The following GLI3 variants were observed in gnomAD, a reference collection of about 807,000 sequenced individuals.
GLI3 encodes transcription activator GLI3.
Under a neutral mutation model 100.8 loss-of-function variants are expected in GLI3, and 20 were observed. That is an observed-to-expected ratio of 0.20 (90% CI 0.14 to 0.29). The LOEUF (loss-of-function observed/expected upper bound fraction) is 0.29, where lower values mean the gene tolerates loss of function less well. GLI3 is among the 10% of genes least tolerant of loss of function. The pLI is 1.00. For synonymous variants in GLI3, 938 were observed against 860.5 expected (o/e 1.09, Z -1.58); for missense variants, 2,040 against 2,128.5 (o/e 0.96, Z 0.82).
rs537297688 is a variant in GLI3, at chr7:42,231,770, T to C, written c.-43+5201A>G. Among the ~76,000 whole-genome samples the C allele has an allele frequency of 2.4e-4, 37 of 152,320 alleles. 2 individuals carry two copies. In the South Asian group the frequency reaches 7.0e-3, roughly 29 times the overall value. The stretch of plus-strand genomic sequence containing the variant: ...CAATAATAGGGCTTAACTATCTCAG[T>C]CCTTCATTACTGCAATTTGAAACTT... On this transcript the variant is annotated intron_variant, in intron 1 of 14. Coordinates refer to ENST00000395925, the MANE Select transcript of GLI3 (RefSeq NM_000168.6).
In GLI3 at chr7:42,117,339, T is replaced by C. The variant is rs571495589; in HGVS notation, c.367+30887A>G. The stretch of plus-strand genomic sequence containing the variant: ...CGCACCACCTAGGTGCACCCTTATA[T>C]GCCTCTGGTCCTTTATTTACAAGGC... On this transcript the variant is annotated intron_variant, in intron 3 of 14. Transcript: ENST00000395925. Among the ~76,000 whole-genome samples the C allele has an allele frequency of 5.6e-4, 85 of 152,350 alleles. 1 individual carries two copies. The highest frequency in any genetic ancestry group is 1.5e-3 in the African/African-American group (62 of 41,578).
At chr7:42,155,827 T>C (rs1212266379) in intron 2 of GLI3, among the ~76,000 whole-genome samples, 1 of 152,178 alleles carries the variant, frequency 6.6e-6, no homozygotes, top group Non-Finnish European at 1.5e-5. Context: ...CTCCTGTATT[T>C]TTTTTTTAAA....
chr7:42,211,662 C>T (rs1223497682), intron 2 of GLI3, among the ~76,000 whole-genome samples: 1 of 152,084 alleles, frequency 6.6e-6, no homozygotes, highest in Non-Finnish European at 1.5e-5. Context: ...CTTATCATTG[C>T]CACTAAAACA....
At chr7:42,150,842 G>A (rs1048025846) in intron 2 of GLI3, among the ~76,000 whole-genome samples, 3 of 152,112 alleles carry the variant, frequency 2.0e-5, no homozygotes, top group Non-Finnish European at 2.9e-5. Flanking sequence ...TAATGAATGG[G>A]TTATGGTCTG....
chr7:42,129,302 T>G (rs1360979020), intron 3 of GLI3, among the ~76,000 whole-genome samples: 1 of 152,134 alleles, frequency 6.6e-6, no homozygotes, highest in Non-Finnish European at 1.5e-5. Context: ...AGTGGCAGAA[T>G]TAGGATTTGA....
chr7:42,189,264 A>T (rs555113368), intron 2 of GLI3, among the ~76,000 whole-genome samples: 1 of 152,346 alleles, frequency 6.6e-6, no homozygotes, highest in African/African-American at 2.4e-5. Flanking sequence ...TTAGAAAAGA[A>T]CAAACTTAGA....
In GLI3 at chr7:41,978,809, A is replaced by G. The variant is rs1787578870; in HGVS notation, c.1498-61T>C. 2.7e-6 allele frequency: 4 copies of G among 1,497,424 alleles called. No individual in the cohort carries two copies. The Admixed American group carries it at 6.7e-5, about 25-fold the overall frequency. 92.8% of individuals were successfully genotyped at this position (1,497,424 alleles called of 1,614,324 possible). On this transcript the variant is annotated intron_variant, in intron 10 of 14. Coordinates refer to ENST00000395925, the MANE Select transcript of GLI3 (RefSeq NM_000168.6). ...AACGTATTCATCATTTCTGAAGGCG[A>G]CAGAAGAAAATGCAGAAAATACCCC... is the stretch of plus-strand genomic sequence containing the variant.
chr7:42,098,753 T>G (rs1402966361), intron 3 of GLI3, among the ~76,000 whole-genome samples: 1 of 152,144 alleles, frequency 6.6e-6, no homozygotes, highest in African/African-American at 2.4e-5. Flanking sequence ...TTATTCCCCA[T>G]TGGGTCAGAT....
At chr7:42,039,984 C>T in intron 7 of GLI3, 54 bp downstream of exon 7, 1 of 1,345,776 alleles carries the variant, frequency 7.4e-7, no homozygotes, top group South Asian at 1.2e-5. Context: ...CAGGTGCAAA[C>T]AAGTGCTGAC....
intron 3 of GLI3, among the ~76,000 whole-genome samples, chr7:42,122,898 C>T (rs772392705): frequency 3.9e-5 from 6 of 152,172 alleles, no homozygotes; most frequent in African/African-American, 9.7e-5. Context: ...TACTAGAACA[C>T]GCAAGAGTGT....
rs1554337084 is a variant in GLI3, at chr7:42,182,666, A to ATATATACATGTG, written c.125-34199_125-34198insCACATGTATATA. 2.1e-4 allele frequency among the ~76,000 whole-genome samples: 17 copies of ATATATACATGTG among 79,150 alleles called. 1 individual carries two copies. Among genetic ancestry groups the ATATATACATGTG allele is most frequent in the Admixed American group, 1.9e-3 (16 of 8,480 alleles). 51.9% of individuals were successfully genotyped at this position (79,150 alleles called of 152,430 possible). On this transcript the variant is annotated intron_variant, in intron 2 of 14. Transcript: ENST00000395925. ...TGTGTATATATATATATATATATAT[A>ATATATACATGTG]TATATATATATATATACACATGTGT...
chr7:42,041,639 C>A (rs1784140382), intron 6 of GLI3, among the ~76,000 whole-genome samples: 1 of 151,930 alleles, frequency 6.6e-6, no homozygotes, highest in African/African-American at 2.4e-5. Context: ...GGTAATCTTT[C>A]TTTATTTAAA....
At chr7:42,231,413 T>C (rs1319206134) in intron 1 of GLI3, among the ~76,000 whole-genome samples, 1 of 152,248 alleles carries the variant, frequency 6.6e-6, no homozygotes, top group Non-Finnish European at 1.5e-5. Context: ...CCACTTACCC[T>C]ATAAACTTTG....
intron 13 of GLI3, among the ~76,000 whole-genome samples, chr7:41,968,739 A>AGACAGAAAGAAAGAAG (rs1787273991): frequency 7.5e-6 from 1 of 133,088 alleles, no homozygotes; most frequent in African/African-American, 3.4e-5. Context: ...AAAGAAAGAA[A>AGACAGAAAGAAAGAAG]GAAAGAAAGA....
At chr7:42,152,355 C>T (rs1786892789) in intron 2 of GLI3, 1 of 978,214 alleles carries the variant, frequency 1.0e-6, no homozygotes, top group African/African-American at 1.7e-5. Context: ...ATACTTACAA[C>T]ACAGTCCCCA....
intron 3 of GLI3, among the ~76,000 whole-genome samples, chr7:42,077,629 G>T (rs1359478291): frequency 6.6e-6 from 1 of 151,662 alleles, no homozygotes; most frequent in African/African-American, 2.4e-5. Context: ...CAACGCTCCG[G>T]GTTCCTGAGC....
intron 2 of GLI3, among the ~76,000 whole-genome samples, chr7:42,221,740 T>C (rs1788491385): frequency 6.6e-6 from 1 of 152,150 alleles, no homozygotes; most frequent in Non-Finnish European, 1.5e-5. Flanking sequence ...ATTTTACCAA[T>C]TCCAGAAAAA....
intron 2 of GLI3, among the ~76,000 whole-genome samples, chr7:42,199,555 G>C (rs189068440): frequency 2.0e-5 from 3 of 152,258 alleles, no homozygotes; most frequent in Admixed American, 6.5e-5. Flanking sequence ...ATATGCAATG[G>C]TTGTCATGCA....
chr7:42,247,677 T>C (rs985723391), intron 1 of GLI3, among the ~76,000 whole-genome samples: 1 of 152,256 alleles, frequency 6.6e-6, no homozygotes, highest in Non-Finnish European at 1.5e-5. Flanking sequence ...TAGAAACCAC[T>C]GACCCTGCCA....
Sources: gnomAD v4.1 joint callset for allele counts (sites outside exome capture counted in the v4.1 genomes callset) on GRCh38, gnomAD v4.1.1 for gene constraint, MANE v1.5 for transcripts, NCBI Gene and HGNC (gene_info 2026-07-23, HGNC 2026-07-21) for gene names.